LRP1B: variants seen among roughly 807,000 people sequenced by gnomAD.
LRP1B encodes low-density lipoprotein receptor-related protein 1B.
In LRP1B, 217 loss-of-function variants were observed where a neutral mutation model predicts 556.6. That is an observed-to-expected ratio of 0.39 (90% CI 0.35 to 0.44). The LOEUF is 0.44. Among genes scored for constraint, LRP1B ranks in the 20% least tolerant of loss-of-function variants. LRP1B has a pLI of 1.00. For missense variants in LRP1B, 5,053 were observed against 5,620.8 expected, an observed-to-expected ratio of 0.90 and a Z score of 3.23; for synonymous variants, 2,047 against 1,865.8, an observed-to-expected ratio of 1.10 and a Z score of -2.50.
At chr2:140,709,352 G>A (rs575671812) in intron 37 of LRP1B, among the ~76,000 whole-genome samples, 6 of 151,902 alleles carry the variant, frequency 3.9e-5, no homozygotes, top group Non-Finnish European at 8.8e-5. Flanking sequence ...TCAGCATGGA[G>A]AAAATTATTA....
intron 41 of LRP1B, among the ~76,000 whole-genome samples, chr2:140,613,737 T>A (rs1306842804): frequency 1.3e-5 from 2 of 152,014 alleles, no homozygotes; most frequent in Non-Finnish European, 1.5e-5. Context: ...CACATCCATA[T>A]GATGACCCTA....
chr2:141,383,396 G>C (rs1394516346), intron 3 of LRP1B, among the ~76,000 whole-genome samples: 1 of 152,106 alleles, frequency 6.6e-6, no homozygotes, highest in Non-Finnish European at 1.5e-5. Flanking sequence ...ATGTGTCAAA[G>C]AGATATCAAC....
At chr2:140,853,623 C>T (rs1449117842) in intron 27 of LRP1B, among the ~76,000 whole-genome samples, 2 of 151,950 alleles carry the variant, frequency 1.3e-5, no homozygotes. Flanking sequence ...CAGCTTTTGG[C>T]AATTTTTAAC....
intron 21 of LRP1B, among the ~76,000 whole-genome samples, chr2:140,913,718 A>T (rs916368535): frequency 6.6e-6 from 1 of 152,060 alleles, no homozygotes; most frequent in African/African-American, 2.4e-5. Flanking sequence ...TGAATTCATT[A>T]TAAAATTCTA....
chr2:141,874,133 G>A (rs1326403059), intron 1 of LRP1B, among the ~76,000 whole-genome samples: 3 of 117,416 alleles, frequency 2.6e-5, no homozygotes, highest in African/African-American at 7.2e-5. Context: ...CACAGAGTAG[G>A]TATTTAATCC....
chr2:141,269,166 C>G (rs1684997764), intron 3 of LRP1B, among the ~76,000 whole-genome samples: 1 of 152,068 alleles, frequency 6.6e-6, no homozygotes, highest in Admixed American at 6.6e-5. Flanking sequence ...AAGCTCAAGC[C>G]TAAAGGAACT....
chr2:140,942,418 A>G (rs547836976), intron 20 of LRP1B, among the ~76,000 whole-genome samples: 6 of 152,266 alleles, frequency 3.9e-5, no homozygotes, highest in East Asian at 3.9e-4. Flanking sequence ...AGGTCAACAT[A>G]CAGATACAAG....
At chr2:142,018,523 T>A (rs894798041) in intron 1 of LRP1B, among the ~76,000 whole-genome samples, 7 of 152,170 alleles carry the variant, frequency 4.6e-5, no homozygotes, top group African/African-American at 1.7e-4. Flanking sequence ...ACTTTGCTTT[T>A]ATTGTATATT....
Position 141,049,210 on chromosome 2 carries a change from T to C in LRP1B, c.1565A>G (p.Glu522Gly). 6.2e-7 allele frequency: 1 copy of C among 1,608,756 alleles called. No homozygotes were observed. The highest frequency in any genetic ancestry group is 8.5e-7 in the Non-Finnish European group (1 of 1,175,362). ...TCCTTTCCCATAAAAGAGGAACAACTCATTCTTTGGTCCTGCAGAGGAAAG... is the reference window on the plus strand; with the variant it reads ...TCCTTTCCCATAAAAGAGGAACAACCCATTCTTTGGTCCTGCAGAGGAAAG... ...DGRSCKRPKNELFLFYGKGRP... is the reference protein window; with the variant it reads ...DGRSCKRPKNGLFLFYGKGRP... Residue 522 changes from glutamate (E) to glycine (G), a missense_variant, in exon 11 of 91, where the codon GAG becomes GGG. By Grantham distance (98) the Glu-to-Gly change is moderately conservative (BLOSUM62 -2). Coordinates refer to ENST00000389484, the MANE Select transcript of LRP1B (RefSeq NM_018557.3).
chr2:140,258,176 C>G (rs1681778850), intron 86 of LRP1B, among the ~76,000 whole-genome samples: 1 of 152,036 alleles, frequency 6.6e-6, no homozygotes, highest in Non-Finnish European at 1.5e-5. Context: ...GAAAATAATG[C>G]TGAACACTTA....
rs1682372291 is a variant in LRP1B, at chr2:140,358,926, T to C, written c.11152A>G (p.Thr3718Ala). Reference sequence around the variant, plus strand: ...TTATTTCTGCATCTGTGAGGTCTCGTGGATGGACAAAGAAATTTGACTGAA... The same window carrying C: ...TTATTTCTGCATCTGTGAGGTCTCGCGGATGGACAAAGAAATTTGACTGAA... ...DMCVKFLCPS[T>A]RPHRCRNNRI... Residue 3718 changes from threonine (T) to alanine (A), a missense_variant, in exon 73 of 91, where the codon ACG becomes GCG. This residue lies in a region of LRP1B where 599 missense variants were observed against 648.4 expected (regional missense o/e 0.92). Coordinates refer to ENST00000389484, the MANE Select transcript of LRP1B (RefSeq NM_018557.3). 1.2e-6 allele frequency: 2 copies of C among 1,608,008 alleles called. No homozygotes were observed. The highest frequency in any genetic ancestry group is 1.7e-6 in the Non-Finnish European group (2 of 1,175,702).
At chr2:140,601,009 T>C (rs1682644713) in intron 42 of LRP1B, among the ~76,000 whole-genome samples, 1 of 151,758 alleles carries the variant, frequency 6.6e-6, no homozygotes, top group Non-Finnish European at 1.5e-5. Flanking sequence ...CAAAGATTTT[T>C]GTATGGTTGC....
chr2:141,716,547 A>G (rs1214427190), intron 2 of LRP1B, among the ~76,000 whole-genome samples: 1 of 152,204 alleles, frequency 6.6e-6, no homozygotes, highest in Non-Finnish European at 1.5e-5. Context: ...AGGGATAAAG[A>G]AGAAAATAAA....
intron 79 of LRP1B, among the ~76,000 whole-genome samples, chr2:140,333,984 T>C (rs1680944739): frequency 7.5e-6 from 1 of 133,850 alleles, no homozygotes; most frequent in South Asian, 2.3e-4. Flanking sequence ...AAAAGAGCTC[T>C]GAATGAAAAG....
At chr2:141,939,616 T>C (rs1350463682) in intron 1 of LRP1B, among the ~76,000 whole-genome samples, 1 of 152,166 alleles carries the variant, frequency 6.6e-6, no homozygotes, top group Admixed American at 6.5e-5. Flanking sequence ...ACTTAAAACC[T>C]AACTTTCTAC....
At chr2:141,687,486 GA>G (rs532889261) in intron 2 of LRP1B, among the ~76,000 whole-genome samples, 3 of 151,780 alleles carry the variant, frequency 2.0e-5, no homozygotes, top group African/African-American at 7.3e-5. Flanking sequence ...GTTTGCACCA[GA>G]AAAAAATACT....
intron 43 of LRP1B, 147 bp downstream of exon 43, chr2:140,598,484 G>T: frequency 1.6e-6 from 1 of 638,344 alleles, no homozygotes; most frequent in African/African-American, 1.8e-5. Context: ...TCTTATGTGT[G>T]TGATAGATTA....
In LRP1B at chr2:140,236,798, A is replaced by T. The variant is rs550792230; in HGVS notation, c.13560+1354T>A. On this transcript the variant is annotated intron_variant, in intron 89 of 90. Coordinates refer to ENST00000389484, the MANE Select transcript of LRP1B (RefSeq NM_018557.3). ...ACTTATTTTGATAATAAAGTACTGT[A>T]CTCTTTTATATTTAAAAAATACACT... is the stretch of plus-strand genomic sequence containing the variant. Among the ~76,000 whole-genome samples, 3 of 151,036 alleles carry T rather than the reference A, an allele frequency of 2.0e-5. No homozygotes were observed. The East Asian group carries it at 5.9e-4, about 30-fold the overall frequency.
In LRP1B at chr2:141,208,876, C is replaced by CAAAAA. The variant is rs57659094; in HGVS notation, c.851-20298_851-20294dup. 3.7e-4 allele frequency among the ~76,000 whole-genome samples: 24 copies of CAAAAA among 65,484 alleles called. 1 individual carries two copies. The highest frequency in any genetic ancestry group is 7.1e-4 in the African/African-American group (12 of 16,882). 43.0% of individuals were successfully genotyped at this position (65,484 alleles called of 152,430 possible). A position where few individuals can be genotyped will look rare whatever the true frequency, so the allele number is the denominator to read the frequency against. On this transcript the variant is annotated intron_variant, in intron 6 of 90. Coordinates refer to ENST00000389484, the MANE Select transcript of LRP1B (RefSeq NM_018557.3). ...AAAGCGAGATTCTGAGATTCCGTCT[C>CAAAAA]AAAAAAAAAAAAAAAAAAAAAAAAA... is the stretch of plus-strand genomic sequence containing the variant.
Sources: gnomAD v4.1 joint callset for allele counts (sites outside exome capture counted in the v4.1 genomes callset) on GRCh38, gnomAD v4.1.1 for gene constraint, gnomAD v4.1.1 regional missense constraint, MANE v1.5 for transcripts, NCBI Gene and HGNC (gene_info 2026-07-23, HGNC 2026-07-21) for gene names.